DERL1: variants seen among roughly 807,000 people sequenced by gnomAD.
The protein encoded by DERL1 is derlin-1.
Under a neutral mutation model 41.6 loss-of-function variants are expected in DERL1, and 24 were observed. The ratio of observed to expected loss-of-function variants is 0.58; its 90% CI spans 0.42 to 0.81. The LOEUF (loss-of-function observed/expected upper bound fraction) is 0.81, where lower values mean the gene tolerates loss of function less well. Ranked by LOEUF, DERL1 falls within the 30% of genes least tolerant of loss-of-function variation. The pLI, the probability that DERL1 is intolerant of heterozygous loss-of-function variation, is 0.00. For missense variants in DERL1, 260 were observed against 314.3 expected, an observed-to-expected ratio of 0.83 and a Z score of 1.31; for synonymous variants, 124 against 112.5, an observed-to-expected ratio of 1.10 and a Z score of -0.65.
intron 7 of DERL1, chr8:123,018,446 T>C (rs974729653): frequency 4.6e-5 from 7 of 152,220 alleles, no homozygotes; most frequent in African/African-American, 1.4e-4. Context: ...AACCCGCTAC[T>C]GTGCTTCCCA....
chr8:123,026,466 T>C (rs1812692152), intron 2 of DERL1, among the ~76,000 whole-genome samples: 1 of 152,226 alleles, frequency 6.6e-6, no homozygotes, highest in Non-Finnish European at 1.5e-5. Context: ...CCAGTTCAAA[T>C]CAGAAACCTC....
chr8:123,022,170 T>C (rs1013721883), intron 5 of DERL1, among the ~76,000 whole-genome samples: 5 of 152,148 alleles, frequency 3.3e-5, no homozygotes, highest in African/African-American at 1.2e-4. Flanking sequence ...AGCCCAAACG[T>C]AAGACTAATT....
rs1055887676 is a variant in DERL1, at chr8:123,013,638, AG to A, written c.*1808del. 6.6e-6 allele frequency: 1 copy of A among 152,240 alleles called. No homozygotes were observed. Among genetic ancestry groups the A allele is most frequent in the African/African-American group, 2.4e-5 (1 of 41,458 alleles). The allele number at this position is 152,240 out of a possible 1,614,324, so 9.4% of individuals were successfully genotyped here. ...GAGTTCTAAATACTTGTAAACCTTTAGGAAAAAATGACTGCTCGCAGGCAGC... is the reference window on the plus strand; with the variant it reads ...GAGTTCTAAATACTTGTAAACCTTTAGAAAAAATGACTGCTCGCAGGCAGC... On this transcript the variant is annotated 3_prime_UTR_variant, in exon 8 of 8. Transcript: ENST00000259512.
At chr8:123,021,524 A>G (rs1328583046) in intron 5 of DERL1, 25 bp from the exon 6 acceptor site, 3 of 1,607,198 alleles carry the variant, frequency 1.9e-6, no homozygotes, top group East Asian at 4.5e-5. Flanking sequence ...ATATATGCAA[A>G]TGTGAGTAGC....
chr8:123,027,708 C>T (rs1431249187), intron 2 of DERL1, among the ~76,000 whole-genome samples: 5 of 152,092 alleles, frequency 3.3e-5, no homozygotes, highest in Non-Finnish European at 4.4e-5. Flanking sequence ...TGTTGTATTA[C>T]CTGACCAGGT....
chr8:123,037,566 T>C (rs1304868452), intron 1 of DERL1, among the ~76,000 whole-genome samples: 2 of 152,228 alleles, frequency 1.3e-5, no homozygotes, highest in Non-Finnish European at 2.9e-5. Flanking sequence ...CTACTTGAAA[T>C]CTAACAGCCT....
intron 4 of DERL1, 99 bp downstream of exon 4, chr8:123,023,614 A>G (rs75542992): frequency 0.071 from 77,826 of 1,097,502 alleles, 3,064 homozygotes; most frequent in Non-Finnish European, 0.077. Flanking sequence ...CCACATAATT[A>G]ACCCCATAGT....
At chr8:123,035,384 T>C (rs944338826) in intron 1 of DERL1, among the ~76,000 whole-genome samples, 1 of 152,218 alleles carries the variant, frequency 6.6e-6, no homozygotes, top group Non-Finnish European at 1.5e-5. Context: ...CCATTGTAAG[T>C]ATCCAACTAA....
intron 2 of DERL1, among the ~76,000 whole-genome samples, chr8:123,028,746 T>C (rs1403716752): frequency 6.6e-6 from 1 of 152,202 alleles, no homozygotes; most frequent in Non-Finnish European, 1.5e-5. Context: ...TATTTTACTA[T>C]TGATATAACG....
intron 7 of DERL1, 90 bp downstream of exon 7, chr8:123,019,105 G>C (rs1026896969): frequency 1.0e-4 from 90 of 876,926 alleles, no homozygotes; most frequent in Non-Finnish European, 1.6e-4. Flanking sequence ...GGGGCATAGG[G>C]GTAAATCATA....
rs1396191403 is a variant in DERL1 at position 123,013,897 on chromosome 8, G to C, written c.*1550C>G. 2 of 152,088 alleles carry C rather than the reference G, an allele frequency of 1.3e-5. No individual in the cohort carries two copies. Among genetic ancestry groups the C allele is most frequent in the Non-Finnish European group, 2.9e-5 (2 of 68,028 alleles). 9.4% of individuals were successfully genotyped at this position (152,088 alleles called of 1,614,324 possible). The stretch of plus-strand genomic sequence containing the variant: ...TATCATATAAATTAAATATGGAGAG[G>C]TACACACAAACTCTATTCAAAATGA... On this transcript the variant is annotated 3_prime_UTR_variant, in exon 8 of 8. Coordinates refer to ENST00000259512, the MANE Select transcript of DERL1 (RefSeq NM_024295.6).
Position 123,023,585 on chromosome 8 carries a change from A to G in DERL1, c.357+128T>C, listed in dbSNP as rs1812615775. 3 of 817,206 alleles carry G rather than the reference A, an allele frequency of 3.7e-6. No homozygotes were observed. The South Asian group carries it at 6.6e-5, about 18-fold the overall frequency. 50.6% of individuals were successfully genotyped at this position (817,206 alleles called of 1,614,324 possible). On this transcript the variant is annotated intron_variant, in intron 4 of 7. Coordinates refer to ENST00000259512, the MANE Select transcript of DERL1 (RefSeq NM_024295.6). ...TAAATAAATAAATAAAACAGCTGTA[A>G]TTCCATAATTTCAAAATACCACATA...
chr8:123,030,645 A>C lies in DERL1; in HGVS notation c.225T>G (p.Asn75Lys). 6.2e-7 allele frequency: 1 copy of C among 1,612,056 alleles called. No homozygotes were observed. ...TAGAATACTGATATAAGAAATATAA[A>C]TTGACCAAATAAAGAAATCCAGTTC... ...GPGTGFLYLV[N>K]LYFLYQYSTR... The change falls in exon 2 of 8, where the codon AAT (asparagine) becomes AAG (lysine). Residue 75 changes from asparagine (N) to lysine (K), a missense_variant. Asn to Lys is a moderately conservative substitution (Grantham distance 94). Coordinates refer to ENST00000259512, the MANE Select transcript of DERL1 (RefSeq NM_024295.6).
intron 7 of DERL1, 87 bp downstream of exon 7, chr8:123,019,107 TA>T: frequency 1.1e-6 from 1 of 903,470 alleles, no homozygotes; most frequent in Non-Finnish European, 1.8e-6. Context: ...GGCATAGGGG[TA>T]AATCATACTC....
chr8:123,036,145 T>C (rs2130493721), intron 1 of DERL1, among the ~76,000 whole-genome samples: 1 of 152,314 alleles, frequency 6.6e-6, no homozygotes. Flanking sequence ...GAAATTACTA[T>C]TTCTCCTCAC....
At chr8:123,037,688 G>A (rs1812956540) in intron 1 of DERL1, among the ~76,000 whole-genome samples, 1 of 152,170 alleles carries the variant, frequency 6.6e-6, no homozygotes, top group Admixed American at 6.5e-5. Context: ...ATGCAAAGGA[G>A]TTAAACAAAA....
intron 1 of DERL1, among the ~76,000 whole-genome samples, chr8:123,031,902 TA>T (rs1812824479): frequency 6.6e-6 from 1 of 152,168 alleles, no homozygotes; most frequent in South Asian, 2.1e-4. Flanking sequence ...GCAACAGACA[TA>T]ACCATTTATT....
chr8:123,032,151 C>G (rs1284144036), intron 1 of DERL1, among the ~76,000 whole-genome samples: 1 of 151,286 alleles, frequency 6.6e-6, no homozygotes, highest in Non-Finnish European at 1.5e-5. Context: ...TTTTTCCCCC[C>G]CGAGATAGGA....
At chr8:123,034,523 C>T (rs1479493225) in intron 1 of DERL1, among the ~76,000 whole-genome samples, 1 of 152,054 alleles carries the variant, frequency 6.6e-6, no homozygotes, top group African/African-American at 2.4e-5. Context: ...ATTCAGGAGA[C>T]GGATTTCATA....
Sources: allele counts gnomAD v4.1 joint callset (sites outside exome capture counted in the v4.1 genomes callset), GRCh38; gene constraint gnomAD v4.1.1; transcripts MANE v1.5; gene names NCBI Gene and HGNC (gene_info 2026-07-23, HGNC 2026-07-21).